Variants in PCMTD1 observed in about 807,000 individuals in gnomAD.
The protein encoded by PCMTD1 is protein-L-isoaspartate O-methyltransferase domain-containing protein 1.
In PCMTD1, 12 loss-of-function variants were observed where a neutral mutation model predicts 37.6. The ratio of observed to expected loss-of-function variants is 0.32; its 90% CI spans 0.20 to 0.52. The LOEUF is 0.52. Among genes scored for constraint, PCMTD1 ranks in the 20% least tolerant of loss-of-function variants. PCMTD1 has a pLI of 0.97. For missense variants in PCMTD1, 235 were observed against 421.3 expected (o/e 0.56, Z 3.87); for synonymous variants, 117 against 135.8 (o/e 0.86, Z 0.96).
At chr8:51,840,801 A>G (rs1283425344) in intron 3 of PCMTD1, among the ~76,000 whole-genome samples, 1 of 152,170 alleles carries the variant, frequency 6.6e-6, no homozygotes, top group African/African-American at 2.4e-5. Flanking sequence ...ACCAAATATG[A>G]GTAATGAATT....
At chr8:51,870,233 G>A (rs971138790) in intron 1 of PCMTD1, 1 of 152,162 alleles carries the variant, frequency 6.6e-6, no homozygotes, top group Non-Finnish European at 1.5e-5. Flanking sequence ...CAGCTCTAGA[G>A]GGAAGCTTAC....
At chr8:51,887,499 T>C (rs2038880431) in intron 1 of PCMTD1, among the ~76,000 whole-genome samples, 1 of 152,170 alleles carries the variant, frequency 6.6e-6, no homozygotes, top group Admixed American at 6.5e-5. Flanking sequence ...AACGCAAGGT[T>C]ATATTCTTAA....
intron 1 of PCMTD1, among the ~76,000 whole-genome samples, chr8:51,892,483 T>C (rs150202031): frequency 4.5e-4 from 69 of 152,288 alleles, no homozygotes; most frequent in Non-Finnish European, 7.4e-4. Context: ...ACACTAATCA[T>C]CAGGTCAGAA....
At chr8:51,851,110 G>A (rs1243403917) in intron 2 of PCMTD1, among the ~76,000 whole-genome samples, 1 of 152,108 alleles carries the variant, frequency 6.6e-6, no homozygotes, top group Non-Finnish European at 1.5e-5. Context: ...TATCACATGG[G>A]GAAAAACATC....
At chr8:51,885,188 C>T (rs181400205) in intron 1 of PCMTD1, among the ~76,000 whole-genome samples, 10 of 152,298 alleles carry the variant, frequency 6.6e-5, no homozygotes, top group African/African-American at 2.2e-4. Flanking sequence ...TCCACAACCT[C>T]CTCAATTTAA....
intron 1 of PCMTD1, among the ~76,000 whole-genome samples, chr8:51,875,006 G>T (rs1288258321): frequency 6.6e-6 from 1 of 152,194 alleles, no homozygotes; most frequent in Non-Finnish European, 1.5e-5. Context: ...TTAGTTGCAA[G>T]TTATATATTC....
chr8:51,848,311 G>A (rs1383121147), intron 2 of PCMTD1, among the ~76,000 whole-genome samples: 1 of 147,820 alleles, frequency 6.8e-6, no homozygotes, highest in Non-Finnish European at 1.5e-5. Context: ...AGAGAAGAGA[G>A]AGAGAGAAAA....
chr8:51,861,338 C>T (rs1585826340), intron 1 of PCMTD1, 92 bp from the exon 2 acceptor site: 2 of 903,456 alleles, frequency 2.2e-6, no homozygotes, highest in Non-Finnish European at 1.6e-6. Context: ...TAATTAACTA[C>T]CATTTCTCAT....
intron 1 of PCMTD1, among the ~76,000 whole-genome samples, chr8:51,895,396 G>C (rs1041402573): frequency 6.6e-6 from 1 of 152,196 alleles, no homozygotes; most frequent in Non-Finnish European, 1.5e-5. Flanking sequence ...AGTTACTGAA[G>C]AGTGCTCAGT....
chr8:51,859,303 A>C (rs920061833), intron 2 of PCMTD1, among the ~76,000 whole-genome samples: 1 of 152,128 alleles, frequency 6.6e-6, no homozygotes, highest in Non-Finnish European at 1.5e-5. Flanking sequence ...GACTGTCTCA[A>C]ACCCTAGAGA....
chr8:51,839,365 G>C (rs1403667341), intron 3 of PCMTD1: 1 of 760,184 alleles, frequency 1.3e-6, no homozygotes, highest in African/African-American at 1.9e-5. Context: ...AATCATTTAT[G>C]AAAAAAATAT....
At chr8:51,847,994 T>C (rs2038247378) in intron 2 of PCMTD1, among the ~76,000 whole-genome samples, 1 of 152,080 alleles carries the variant, frequency 6.6e-6, no homozygotes, top group African/African-American at 2.4e-5. Flanking sequence ...GGCAGGAGGA[T>C]TGCTTGAGAC....
chr8:51,897,509 A>C (rs188740665), intron 1 of PCMTD1, among the ~76,000 whole-genome samples: 2 of 152,238 alleles, frequency 1.3e-5, no homozygotes, highest in Non-Finnish European at 2.9e-5. Context: ...AAATTTACTT[A>C]GAAAAAAATG....
intron 1 of PCMTD1, among the ~76,000 whole-genome samples, chr8:51,894,835 G>C (rs192221472): frequency 6.6e-6 from 1 of 151,874 alleles, no homozygotes; most frequent in East Asian, 1.9e-4. Flanking sequence ...AAGAACCAAG[G>C]ATGACCTTTT....
chr8:51,828,694 T>C (rs1206123686), intron 5 of PCMTD1, among the ~76,000 whole-genome samples: 1 of 152,222 alleles, frequency 6.6e-6, no homozygotes, highest in Non-Finnish European at 1.5e-5. Flanking sequence ...TATCTGGCCA[T>C]AGTTCCACCA....
At chr8:51,854,310 A>C (rs750841148) in intron 2 of PCMTD1, among the ~76,000 whole-genome samples, 1 of 152,164 alleles carries the variant, frequency 6.6e-6, no homozygotes, top group Non-Finnish European at 1.5e-5. Context: ...TTTCAGAGTT[A>C]GCAGCAATAA....
intron 2 of PCMTD1, among the ~76,000 whole-genome samples, chr8:51,854,958 C>A (rs571756138): frequency 6.7e-6 from 1 of 149,838 alleles, no homozygotes; most frequent in East Asian, 2.0e-4. Context: ...GTGGATCACC[C>A]GAAGTCGGGA....
intron 1 of PCMTD1, among the ~76,000 whole-genome samples, chr8:51,881,240 C>T (rs953003706): frequency 2.1e-5 from 2 of 95,514 alleles, no homozygotes; most frequent in African/African-American, 5.0e-5. Context: ...AGAAAGAAAT[C>T]CAGTGCCTGT....
intron 1 of PCMTD1, among the ~76,000 whole-genome samples, chr8:51,898,657 C>T (rs1322924425): frequency 6.6e-6 from 1 of 152,090 alleles, no homozygotes; most frequent in Non-Finnish European, 1.5e-5. Context: ...CCCAGGGACC[C>T]CGGCTCCCGA....
Sources: gnomAD v4.1 joint callset for allele counts (sites outside exome capture counted in the v4.1 genomes callset) on GRCh38, gnomAD v4.1.1 for gene constraint, MANE v1.5 for transcripts, NCBI Gene and HGNC (gene_info 2026-07-23, HGNC 2026-07-21) for gene names.